SMYD3: variants seen among roughly 807,000 people sequenced by gnomAD.
SMYD3 encodes the protein histone-lysine N-methyltransferase SMYD3.
In SMYD3, 36 loss-of-function variants were observed where a neutral mutation model predicts 57.7. That is an observed-to-expected ratio of 0.62 (90% CI 0.48 to 0.82). The LOEUF (loss-of-function observed/expected upper bound fraction) is 0.82. Among genes scored for constraint, SMYD3 ranks in the 40% least tolerant of loss-of-function variants. SMYD3 has a pLI of 0.00. For missense variants in SMYD3, 515 were observed against 538.8 expected, an observed-to-expected ratio of 0.96 and a Z score of 0.44; for synonymous variants, 211 against 195.0, an observed-to-expected ratio of 1.08 and a Z score of -0.68.
intron 5 of SMYD3, among the ~76,000 whole-genome samples, chr1:245,949,062 G>C (rs375852150): frequency 6.6e-6 from 1 of 152,202 alleles, no homozygotes; most frequent in East Asian, 1.9e-4. Flanking sequence ...GGACTGCCCA[G>C]CCGGGTGCAG....
chr1:246,063,806 A>T (rs1264766325), intron 5 of SMYD3, among the ~76,000 whole-genome samples: 2 of 151,820 alleles, frequency 1.3e-5, no homozygotes, highest in African/African-American at 4.8e-5. Context: ...TGCCTGGCTA[A>T]TTTTTGCATT....
chr1:246,042,341 T>G (rs2059893091), intron 5 of SMYD3, among the ~76,000 whole-genome samples: 1 of 152,122 alleles, frequency 6.6e-6, no homozygotes, highest in African/African-American at 2.4e-5. Flanking sequence ...AAAAAAACTG[T>G]GGAGGAAAAT....
chr1:246,269,295 T>C (rs1277120237), intron 5 of SMYD3, among the ~76,000 whole-genome samples: 2 of 152,200 alleles, frequency 1.3e-5, no homozygotes, highest in African/African-American at 2.4e-5. Context: ...AAATACTGAA[T>C]TGAACGGCTT....
intron 5 of SMYD3, among the ~76,000 whole-genome samples, chr1:246,107,487 G>T (rs1022390209): frequency 2.6e-5 from 4 of 151,234 alleles, no homozygotes; most frequent in Middle Eastern, 3.4e-3. Context: ...TCAGGTAGTT[G>T]GTGGCTACAG....
intron 1 of SMYD3, among the ~76,000 whole-genome samples, chr1:246,478,675 CATATAT>C (rs2103056471): frequency 8.7e-6 from 1 of 115,152 alleles, no homozygotes; most frequent in South Asian, 2.6e-4. Context: ...CGTAAGTGCT[CATATAT>C]GCACACCTGT....
chr1:246,364,819 T>C (rs1456010797), intron 1 of SMYD3, among the ~76,000 whole-genome samples: 1 of 152,190 alleles, frequency 6.6e-6, no homozygotes, highest in Non-Finnish European at 1.5e-5. Flanking sequence ...GGCCCTAGAG[T>C]TCTTGATTGT....
At chr1:245,821,584 G>A (rs1472774286) in intron 10 of SMYD3, among the ~76,000 whole-genome samples, 4 of 141,756 alleles carry the variant, frequency 2.8e-5, no homozygotes, top group African/African-American at 7.5e-5. Flanking sequence ...CACAGCAAAA[G>A]AAACTACCAT....
At chr1:246,081,685 C>T (rs572431306) in intron 5 of SMYD3, among the ~76,000 whole-genome samples, 1 of 152,318 alleles carries the variant, frequency 6.6e-6, no homozygotes, top group South Asian at 2.1e-4. Context: ...TGAGCCACTG[C>T]ACCCAGCCCC....
chr1:246,237,889 C>T (rs2063536814), intron 5 of SMYD3, among the ~76,000 whole-genome samples: 2 of 152,056 alleles, frequency 1.3e-5, no homozygotes, highest in Non-Finnish European at 2.9e-5. Context: ...TTAACAATCC[C>T]CCATTGATTA....
chr1:246,240,272 G>A (rs1008813802), intron 5 of SMYD3, among the ~76,000 whole-genome samples: 3 of 152,166 alleles, frequency 2.0e-5, no homozygotes, highest in Non-Finnish European at 4.4e-5. Flanking sequence ...TTTGTATAAG[G>A]TGTAAGGAAA....
chr1:246,444,824 T>G (rs61839798), intron 1 of SMYD3, among the ~76,000 whole-genome samples: 33,242 of 152,118 alleles, frequency 0.22, 4,759 homozygotes, highest in Middle Eastern at 0.42. Context: ...CTGTCAGTCA[T>G]AATGTTCTAA....
chr1:246,156,838 A>G (rs981216195), intron 5 of SMYD3, among the ~76,000 whole-genome samples: 1 of 152,214 alleles, frequency 6.6e-6, no homozygotes, highest in African/African-American at 2.4e-5. Flanking sequence ...TACACTAAAA[A>G]GGAAATCACA....
At position 245,793,226 on chromosome 1, in the gene SMYD3, T is replaced by G. The variant is rs182023371; in HGVS notation, c.1077-29077A>C. ...CGGGAGGCTGAGGCAGGAGAATCGCTTGAACCCAGGAGACGGAGCTTGAAG... is the reference window on the plus strand; with the variant it reads ...CGGGAGGCTGAGGCAGGAGAATCGCGTGAACCCAGGAGACGGAGCTTGAAG... On this transcript the variant is annotated intron_variant, in intron 10 of 11. Transcript: ENST00000490107. Among the ~76,000 whole-genome samples, 479 of 151,808 alleles carry G rather than the reference T, an allele frequency of 3.2e-3. 3 individuals carry two copies. The highest frequency in any genetic ancestry group is 8.9e-3 in the African/African-American group (367 of 41,388).
chr1:246,154,481 T>C (rs2061990960), intron 5 of SMYD3, among the ~76,000 whole-genome samples: 1 of 152,186 alleles, frequency 6.6e-6, no homozygotes, highest in South Asian at 2.1e-4. Context: ...CTATTAGAAA[T>C]TGAAACCAAT....
chr1:245,974,044 T>C (rs1056748541), intron 5 of SMYD3, among the ~76,000 whole-genome samples: 1 of 152,106 alleles, frequency 6.6e-6, no homozygotes, highest in Admixed American at 6.5e-5. Context: ...ACAAACTAAA[T>C]CAGGCTGCCC....
intron 10 of SMYD3, among the ~76,000 whole-genome samples, chr1:245,809,506 C>A (rs1430708857): frequency 6.6e-6 from 1 of 152,160 alleles, no homozygotes; most frequent in Non-Finnish European, 1.5e-5. Context: ...CAAAGAAGTG[C>A]CCCTCCCTGA....
chr1:245,835,759 T>C (rs987236738), intron 10 of SMYD3, among the ~76,000 whole-genome samples: 5 of 152,094 alleles, frequency 3.3e-5, no homozygotes, highest in African/African-American at 1.2e-4. Flanking sequence ...CTGTATGGGA[T>C]CATTAGGAAA....
At chr1:245,773,247 C>T (rs1220946101) in intron 10 of SMYD3, among the ~76,000 whole-genome samples, 1 of 152,104 alleles carries the variant, frequency 6.6e-6, no homozygotes, top group African/African-American at 2.4e-5. Flanking sequence ...CACAGGAAAG[C>T]CTGGAGTAGT....
chr1:246,212,557 AT>A (rs2063106942), intron 5 of SMYD3, among the ~76,000 whole-genome samples: 2 of 151,582 alleles, frequency 1.3e-5, no homozygotes, highest in East Asian at 3.9e-4. Flanking sequence ...GGTTTTTTGT[AT>A]TGACTGTCTA....
Sources: gnomAD v4.1 joint callset for allele counts (sites outside exome capture counted in the v4.1 genomes callset) on GRCh38, gnomAD v4.1.1 for gene constraint, MANE v1.5 for transcripts, NCBI Gene and HGNC (gene_info 2026-07-23, HGNC 2026-07-21) for gene names.